Variants in HMGCLL1 observed in about 807,000 individuals in gnomAD.
The protein encoded by HMGCLL1 is 3-hydroxymethyl-3-methylglutaryl-CoA lyase, cytoplasmic.
Under a neutral mutation model 39.1 loss-of-function variants are expected in HMGCLL1, and 36 were observed. That is an observed-to-expected ratio of 0.92 (90% confidence interval 0.71 to 1.22). HMGCLL1 has a LOEUF of 1.22. Among genes scored for constraint, HMGCLL1 ranks in the 50% most tolerant of loss-of-function variants. The pLI, the probability that HMGCLL1 is intolerant of heterozygous loss-of-function variation, is 0.00. For missense variants in HMGCLL1, 451 were observed against 416.5 expected, an observed-to-expected ratio of 1.08 and a Z score of -0.72; for synonymous variants, 149 against 144.0, an observed-to-expected ratio of 1.03 and a Z score of -0.25.
At chr6:55,466,531 T>C (rs543398873) in intron 7 of HMGCLL1, among the ~76,000 whole-genome samples, 1 of 152,258 alleles carries the variant, frequency 6.6e-6, no homozygotes, top group Non-Finnish European at 1.5e-5. Flanking sequence ...AACAAATGTC[T>C]CTACATGACA....
intron 1 of HMGCLL1, among the ~76,000 whole-genome samples, chr6:55,572,321 C>T (rs548980907): frequency 2.6e-5 from 4 of 151,874 alleles, no homozygotes; most frequent in South Asian, 2.1e-4. Context: ...TACATTATGA[C>T]AATAGAGGTA....
chr6:55,476,613 T>C (rs984435657), intron 7 of HMGCLL1, among the ~76,000 whole-genome samples: 1 of 151,746 alleles, frequency 6.6e-6, no homozygotes, highest in African/African-American at 2.4e-5. Flanking sequence ...CAAATAATTT[T>C]CTACATCATT....
chr6:55,601,443 C>G, the HMGCLL1 span, among the ~76,000 whole-genome samples: 1 of 152,126 alleles, frequency 6.6e-6, no homozygotes. Flanking sequence ...AAAAACAGGG[C>G]AAGCACACAG....
the HMGCLL1 span, among the ~76,000 whole-genome samples, chr6:55,650,134 T>TATATATATATATATATATAC: frequency 3.8e-5 from 2 of 53,326 alleles, no homozygotes; most frequent in East Asian, 7.9e-4. Flanking sequence ...TATATATATA[T>TATATATATATATATATATAC]ACACACACAC....
At chr6:55,594,073 C>T in the HMGCLL1 span, among the ~76,000 whole-genome samples, 1 of 152,120 alleles carries the variant, frequency 6.6e-6, no homozygotes. Context: ...CTTATATTGA[C>T]ACAGGAGAAA....
chr6:55,513,267 G>A (rs886408374), intron 5 of HMGCLL1: 4 of 152,040 alleles, frequency 2.6e-5, no homozygotes, highest in African/African-American at 9.7e-5. Context: ...GAGAAAATTA[G>A]GTTTGTGGAT....
intron 7 of HMGCLL1, among the ~76,000 whole-genome samples, chr6:55,460,224 C>T (rs1764497825): frequency 6.6e-6 from 1 of 151,822 alleles, no homozygotes; most frequent in African/African-American, 2.4e-5. Context: ...CTAAGGATAA[C>T]AAATGTAGAA....
At chr6:55,532,276 C>G (rs1036733688) in intron 3 of HMGCLL1, among the ~76,000 whole-genome samples, 1 of 151,946 alleles carries the variant, frequency 6.6e-6, no homozygotes, top group Admixed American at 6.6e-5. Context: ...GTAAAAAGGA[C>G]AAAAATGCTT....
At chr6:55,644,631 C>G in the HMGCLL1 span, among the ~76,000 whole-genome samples, 1 of 151,934 alleles carries the variant, frequency 6.6e-6, no homozygotes, top group African/African-American at 2.4e-5. Context: ...TCCAGTTTTT[C>G]CATCATTGTT....
the HMGCLL1 span, among the ~76,000 whole-genome samples, chr6:55,602,589 T>C: frequency 2.0e-5 from 3 of 151,998 alleles, no homozygotes; most frequent in African/African-American, 4.8e-5. Flanking sequence ...TCTGTGAGAA[T>C]TCTATTTAAA....
chr6:55,450,951 A>G (rs1236247939), intron 7 of HMGCLL1, among the ~76,000 whole-genome samples: 5 of 152,202 alleles, frequency 3.3e-5, no homozygotes, highest in African/African-American at 4.8e-5. Flanking sequence ...ACCAATCTCA[A>G]AAACACAGTA....
chr6:55,539,379 CACA>C (rs1298139811), intron 3 of HMGCLL1, among the ~76,000 whole-genome samples: 1 of 152,094 alleles, frequency 6.6e-6, no homozygotes, highest in Non-Finnish European at 1.5e-5. Flanking sequence ...ATCATAAAGA[CACA>C]TGCATGTGAA....
chr6:55,510,542 C>T (rs909963261), intron 5 of HMGCLL1, among the ~76,000 whole-genome samples: 2 of 144,406 alleles, frequency 1.4e-5, no homozygotes, highest in Admixed American at 1.4e-4. Context: ...ATCGCAAGGA[C>T]AAAAAACCAA....
chr6:55,452,390 C>A (rs531699257), intron 7 of HMGCLL1, among the ~76,000 whole-genome samples: 2 of 152,118 alleles, frequency 1.3e-5, no homozygotes, highest in South Asian at 4.2e-4. Flanking sequence ...GGACCAGTAA[C>A]TTTTTCCATG....
chr6:55,599,864 G>A, the HMGCLL1 span, among the ~76,000 whole-genome samples: 2 of 152,144 alleles, frequency 1.3e-5, no homozygotes, highest in Admixed American at 6.6e-5. Flanking sequence ...TTTGGTGAAT[G>A]TTTGCTTAAA....
At chr6:55,641,302 C>A in the HMGCLL1 span, among the ~76,000 whole-genome samples, 1 of 151,688 alleles carries the variant, frequency 6.6e-6, no homozygotes, top group South Asian at 2.1e-4. Context: ...AATTAATTTT[C>A]TATTTATATG....
chr6:55,557,676 G>A (rs1446999934), intron 1 of HMGCLL1, among the ~76,000 whole-genome samples: 1 of 152,064 alleles, frequency 6.6e-6, no homozygotes, highest in Non-Finnish European at 1.5e-5. Context: ...GCTGGTGAGG[G>A]GTGGTCTGGG....
intron 1 of HMGCLL1, among the ~76,000 whole-genome samples, chr6:55,560,162 G>T (rs954708163): frequency 2.0e-5 from 3 of 152,118 alleles, no homozygotes; most frequent in African/African-American, 7.2e-5. Flanking sequence ...TGCAGTATAA[G>T]TAAGTTATCA....
chr6:55,638,125 A>T, the HMGCLL1 span, among the ~76,000 whole-genome samples: 1 of 152,182 alleles, frequency 6.6e-6, no homozygotes, highest in South Asian at 2.1e-4. Flanking sequence ...TATTAGAAAT[A>T]AAAAGTTATA....
Sources: allele counts gnomAD v4.1 joint callset (sites outside exome capture counted in the v4.1 genomes callset), GRCh38; gene constraint gnomAD v4.1.1; transcripts MANE v1.5; gene names NCBI Gene and HGNC (gene_info 2026-07-23, HGNC 2026-07-21).